The following TAFA1 variants were observed in gnomAD, a reference collection of about 807,000 sequenced individuals.
TAFA1 encodes the protein chemokine-like protein TAFA-1.
Under a neutral mutation model 18.5 loss-of-function variants are expected in TAFA1, and 4 were observed. That is an observed-to-expected ratio of 0.22 (90% CI 0.11 to 0.49). The LOEUF (loss-of-function observed/expected upper bound fraction) is 0.49, where lower values mean the gene tolerates loss of function less well. Ranked by LOEUF, TAFA1 falls within the 20% of genes least tolerant of loss-of-function variation. The probability of loss-of-function intolerance (pLI) is 0.98; values close to 1 mark genes in which losing one functional copy is unlikely to be tolerated. For synonymous variants in TAFA1, 56 were observed against 55.2 expected (o/e 1.01, Z -0.06); for missense variants, 147 against 169.0 (o/e 0.87, Z 0.72).
chr3:68,476,094 A>G (rs2072091167), intron 3 of TAFA1, among the ~76,000 whole-genome samples: 1 of 152,132 alleles, frequency 6.6e-6, no homozygotes, highest in Non-Finnish European at 1.5e-5. Context: ...CAAAAATTTC[A>G]GGACATAGAC....
At chr3:68,323,206 C>T (rs1011622604) in intron 2 of TAFA1, among the ~76,000 whole-genome samples, 2 of 152,210 alleles carry the variant, frequency 1.3e-5, no homozygotes, top group African/African-American at 4.8e-5. Flanking sequence ...GCGAACTAAA[C>T]ATATTCCAGG....
intron 2 of TAFA1, among the ~76,000 whole-genome samples, chr3:68,376,154 T>C (rs1301870209): frequency 2.0e-5 from 3 of 152,166 alleles, no homozygotes; most frequent in African/African-American, 7.2e-5. Context: ...AATTTTATGA[T>C]ATTCTTGAGC....
chr3:68,135,369 T>G (rs2065594962), intron 2 of TAFA1, among the ~76,000 whole-genome samples: 1 of 152,192 alleles, frequency 6.6e-6, no homozygotes, highest in Non-Finnish European at 1.5e-5. Context: ...GTCCCAGGAC[T>G]CAGTGGTAGG....
At chr3:68,064,360 A>G (rs1370768131) in intron 2 of TAFA1, among the ~76,000 whole-genome samples, 1 of 152,216 alleles carries the variant, frequency 6.6e-6, no homozygotes, top group East Asian at 1.9e-4. Flanking sequence ...ACAAAGTTTC[A>G]GTTTCCTAGG....
chr3:68,403,261 T>C (rs569828301), intron 2 of TAFA1, among the ~76,000 whole-genome samples: 2 of 152,340 alleles, frequency 1.3e-5, no homozygotes, highest in South Asian at 4.1e-4. Flanking sequence ...AGAAGTTACC[T>C]TGTCATTAAG....
intron 2 of TAFA1, among the ~76,000 whole-genome samples, chr3:68,039,442 C>T (rs934877836): frequency 6.6e-6 from 1 of 152,006 alleles, no homozygotes; most frequent in Non-Finnish European, 1.5e-5. Context: ...CTTTTTAGGT[C>T]GTTTCTAGGC....
At chr3:68,278,297 A>G (rs889480571) in intron 2 of TAFA1, among the ~76,000 whole-genome samples, 2 of 152,162 alleles carry the variant, frequency 1.3e-5, no homozygotes, top group African/African-American at 2.4e-5. Context: ...AACTGTTTAT[A>G]TAAAGAATTT....
At chr3:68,307,527 T>A (rs181674571) in intron 2 of TAFA1, among the ~76,000 whole-genome samples, 1 of 152,224 alleles carries the variant, frequency 6.6e-6, no homozygotes, top group Admixed American at 6.5e-5. Flanking sequence ...ATATGACATG[T>A]TAATTTTTTC....
chr3:68,034,746 G>A (rs185589816), intron 2 of TAFA1, among the ~76,000 whole-genome samples: 98 of 152,238 alleles, frequency 6.4e-4, no homozygotes, highest in African/African-American at 2.3e-3. Context: ...CAGTTTGGAG[G>A]AGAAAGATAC....
chr3:68,344,499 G>A (rs918660055), intron 2 of TAFA1, among the ~76,000 whole-genome samples: 1 of 152,176 alleles, frequency 6.6e-6, no homozygotes, highest in Non-Finnish European at 1.5e-5. Flanking sequence ...GTACAGACGT[G>A]TGTGATGACA....
intron 2 of TAFA1, among the ~76,000 whole-genome samples, chr3:68,198,353 T>TG (rs1165063455): frequency 6.6e-6 from 1 of 151,704 alleles, no homozygotes. Flanking sequence ...AGTTTTTGTG[T>TG]GGACATTAGT....
chr3:68,206,309 A>G (rs2066525666), intron 2 of TAFA1, among the ~76,000 whole-genome samples: 1 of 151,922 alleles, frequency 6.6e-6, no homozygotes, highest in Non-Finnish European at 1.5e-5. Context: ...ATAACAACCA[A>G]TGGCAAACAG....
At chr3:68,539,692 G>A (rs745357155) in intron 4 of TAFA1, among the ~76,000 whole-genome samples, 1 of 74,570 alleles carries the variant, frequency 1.3e-5, no homozygotes, top group African/African-American at 5.2e-5. Flanking sequence ...GGGGCATGGG[G>A]TGGGTGGGTG....
chr3:68,514,060 G>A (rs1169842052), intron 3 of TAFA1, among the ~76,000 whole-genome samples: 1 of 152,044 alleles, frequency 6.6e-6, no homozygotes, highest in Non-Finnish European at 1.5e-5. Flanking sequence ...GACTTTACAT[G>A]GCAAAAGGGG....
rs1360049355 is a variant in TAFA1 at position 68,477,229 on chromosome 3, A to G, written c.259+59809A>G. Among the ~76,000 whole-genome samples, 4 of 152,012 alleles carry G rather than the reference A, an allele frequency of 2.6e-5. No homozygotes were observed. The East Asian group carries it at 7.7e-4, about 29-fold the overall frequency. On this transcript the variant is annotated intron_variant, in intron 3 of 4. Coordinates refer to ENST00000478136, the MANE Select transcript of TAFA1 (RefSeq NM_213609.4). The stretch of plus-strand genomic sequence containing the variant: ...CATAATTTGTTTATGAGATTCATCC[A>G]TATTGTTGCATATAATAGTTATTTC...
chr3:68,323,921 G>A (rs990418913), intron 2 of TAFA1, among the ~76,000 whole-genome samples: 1 of 152,110 alleles, frequency 6.6e-6, no homozygotes, highest in East Asian at 1.9e-4. Flanking sequence ...AGTGCCTGAG[G>A]AAATACCAGA....
intron 2 of TAFA1, among the ~76,000 whole-genome samples, chr3:68,022,620 T>G (rs1262605964): frequency 1.3e-5 from 2 of 151,848 alleles, no homozygotes; most frequent in African/African-American, 2.4e-5. Context: ...GCAAAGAAAC[T>G]TACATTGTCT....
intron 2 of TAFA1, among the ~76,000 whole-genome samples, chr3:68,370,180 A>G (rs1333389840): frequency 1.4e-5 from 2 of 140,306 alleles, no homozygotes; most frequent in African/African-American, 5.3e-5. Flanking sequence ...CCCAGCTACT[A>G]GGGAGGCTGA....
chr3:68,365,814 G>A (rs2069557141), intron 2 of TAFA1, among the ~76,000 whole-genome samples: 2 of 152,122 alleles, frequency 1.3e-5, no homozygotes, highest in Non-Finnish European at 2.9e-5. Context: ...TCAGCCAGGT[G>A]TGGTGGCTCA....
Sources: gnomAD v4.1 joint callset for allele counts (sites outside exome capture counted in the v4.1 genomes callset) on GRCh38, gnomAD v4.1.1 for gene constraint, MANE v1.5 for transcripts, NCBI Gene and HGNC (gene_info 2026-07-23, HGNC 2026-07-21) for gene names.